CHST8: variants seen among roughly 807,000 people sequenced by gnomAD.
The protein encoded by CHST8 is GALNAC-4-ST1.
CHST8 carries 10 observed loss-of-function variants against 15.0 expected under a neutral mutation model. The observed-to-expected ratio is 0.67, with a 90% CI of 0.41 to 1.13. The LOEUF (loss-of-function observed/expected upper bound fraction) is 1.13, where lower values mean the gene tolerates loss of function less well. Ranked by LOEUF, CHST8 falls within the 50% of genes most tolerant of loss-of-function variation. CHST8 has a pLI of 0.00. For missense variants in CHST8, 634 were observed against 608.2 expected (o/e 1.04, Z -0.45); for synonymous variants, 259 against 256.6 (o/e 1.01, Z -0.09).
intron 1 of CHST8, among the ~76,000 whole-genome samples, chr19:33,623,082 T>C (rs1185817447): frequency 1.3e-5 from 2 of 152,086 alleles, no homozygotes; most frequent in African/African-American, 4.8e-5. Context: ...GTTTTGGCAG[T>C]GCCCGATGCT....
chr19:33,694,833 G>C (rs1316750879), intron 3 of CHST8, among the ~76,000 whole-genome samples: 1 of 152,130 alleles, frequency 6.6e-6, no homozygotes, highest in Non-Finnish European at 1.5e-5. Context: ...TACCTGCCTT[G>C]GCCTCCCAAA....
At chr19:33,670,425 T>A (rs1479409917) in intron 2 of CHST8, among the ~76,000 whole-genome samples, 2 of 152,226 alleles carry the variant, frequency 1.3e-5, no homozygotes, top group Non-Finnish European at 2.9e-5. Flanking sequence ...GTGCTTGGCA[T>A]ACTCAGCAGA....
intron 1 of CHST8, among the ~76,000 whole-genome samples, chr19:33,656,759 G>A (rs928099359): frequency 1.3e-5 from 2 of 152,034 alleles, no homozygotes; most frequent in Admixed American, 1.3e-4. Context: ...GGCTAGTCTC[G>A]AACTCCTGGG....
At chr19:33,758,932 C>T (rs36086416) in intron 3 of CHST8, among the ~76,000 whole-genome samples, 687 of 149,348 alleles carry the variant, frequency 4.6e-3, no homozygotes, top group Middle Eastern at 6.9e-3. Flanking sequence ...CGGGGGGGGG[C>T]GGTGCTCAAA....
chr19:33,629,806 C>T (rs989590422), intron 1 of CHST8, among the ~76,000 whole-genome samples: 4 of 152,252 alleles, frequency 2.6e-5, no homozygotes, highest in Admixed American at 2.0e-4. Flanking sequence ...GCACATTACT[C>T]CTTGGTCCCC....
chr19:33,629,226 G>T (rs968779192), intron 1 of CHST8, among the ~76,000 whole-genome samples: 5 of 152,348 alleles, frequency 3.3e-5, no homozygotes, highest in African/African-American at 1.2e-4. Context: ...TCCCTCCGGA[G>T]CTGAGTGCTG....
rs145881822 is a variant in CHST8, at chr19:33,686,473, G to A, written c.-86-2703G>A. Among the ~76,000 whole-genome samples the A allele has an allele frequency of 6.1e-4, 93 of 152,258 alleles. No homozygotes were observed. In the South Asian group the frequency reaches 0.01, roughly 17 times the overall value. On this transcript the variant is annotated intron_variant, in intron 2 of 4. Coordinates refer to ENST00000650847, the MANE Select transcript of CHST8 (RefSeq NM_001127895.2). ...GACAGACTGGGGAGAAGAGAGGACC[G>A]GCCAGCTCTCTTGTAACCACTCTGC...
In CHST8 at chr19:33,622,295, A is replaced by G. The variant is rs1004247851; in HGVS notation, c.-165A>G. The G allele has an allele frequency of 6.6e-6, 1 of 152,104 alleles. No homozygotes were observed. Among genetic ancestry groups the G allele is most frequent in the African/African-American group, 2.4e-5 (1 of 41,402 alleles). The allele number at this position is 152,104 out of a possible 1,614,324, so 9.4% of individuals were successfully genotyped here. A position where few individuals can be genotyped will look rare whatever the true frequency, so the allele number is the denominator to read the frequency against. On this transcript the variant is annotated splice_region_variant and 5_prime_UTR_variant, in exon 1 of 5. Coordinates refer to ENST00000650847, the MANE Select transcript of CHST8 (RefSeq NM_001127895.2). The stretch of plus-strand genomic sequence containing the variant: ...CGGCCTCGGGTGCGTCCGCTGCGCC[A>G]GGTAAGTGGCTGCGCCCCTGCCCCA...
At position 33,766,215 on chromosome 19, in the gene CHST8, C is replaced by A. The variant is rs577836405; in HGVS notation, c.131-5198C>A. 4.6e-5 allele frequency among the ~76,000 whole-genome samples: 7 copies of A among 152,134 alleles called. No individual in the cohort carries two copies. The East Asian group carries it at 1.4e-3, about 29-fold the overall frequency. The stretch of plus-strand genomic sequence containing the variant: ...CCTCTCTCCTTCTCCCCTCCTCCAC[C>A]TCTACCTCTCCCTTCCCTCTCTCTT... On this transcript the variant is annotated intron_variant, in intron 3 of 4. Coordinates refer to ENST00000650847, the MANE Select transcript of CHST8 (RefSeq NM_001127895.2).
chr19:33,695,821 C>CTTTT (rs55695414), intron 3 of CHST8, among the ~76,000 whole-genome samples: 3,489 of 75,818 alleles, frequency 0.046, 75 homozygotes, highest in Non-Finnish European at 0.065. Context: ...TTCTTTCTTT[C>CTTTT]TTTTTTTTTT....
At position 33,645,756 on chromosome 19, in the gene CHST8, A is replaced by G. The variant is rs59192758; in HGVS notation, c.-163-22011A>G. 1.9e-3 allele frequency among the ~76,000 whole-genome samples: 291 copies of G among 152,324 alleles called. 6 individuals are homozygous for G. In the East Asian group the frequency reaches 0.048, roughly 25 times the overall value. ...GAGAGGTTAGAGCTGGAGATGTTAT[A>G]CCCCAATGGGTTCTTCTTATTGGCT... On this transcript the variant is annotated intron_variant, in intron 1 of 4. Coordinates refer to ENST00000650847, the MANE Select transcript of CHST8 (RefSeq NM_001127895.2).
In CHST8 at chr19:33,771,408, T is replaced by C. The variant is rs369757128; in HGVS notation, c.131-5T>C. ...ATACTGTCCTCTCCTCTGTTTGCTTTTCAGGAATAAAGTTCAACATCAGGC... is the reference window on the plus strand; with the variant it reads ...ATACTGTCCTCTCCTCTGTTTGCTTCTCAGGAATAAAGTTCAACATCAGGC... On this transcript the variant is annotated splice_region_variant and splice_polypyrimidine_tract_variant and intron_variant, in intron 3 of 4. Coordinates refer to ENST00000650847, the MANE Select transcript of CHST8 (RefSeq NM_001127895.2). The C allele has an allele frequency of 1.2e-5, 20 of 1,613,970 alleles. No homozygotes were observed. Among genetic ancestry groups the C allele is most frequent in the Non-Finnish European group, 1.7e-5 (20 of 1,179,970 alleles).
intron 1 of CHST8, among the ~76,000 whole-genome samples, chr19:33,661,301 C>T (rs1972581752): frequency 6.6e-6 from 1 of 152,176 alleles, no homozygotes; most frequent in Non-Finnish European, 1.5e-5. Flanking sequence ...GACTTGGCAA[C>T]ACCTGCACCT....
rs73591065 is a variant in CHST8, at chr19:33,681,543, G to A, written c.-86-7633G>A. ...CCCAGTTCCCTGGTGAGGGACAGGC[G>A]GCAGGTGTGGGTGAGGGGTGCCCTT... On this transcript the variant is annotated intron_variant, in intron 2 of 4. Coordinates refer to ENST00000650847, the MANE Select transcript of CHST8 (RefSeq NM_001127895.2). Among the ~76,000 whole-genome samples, 1,228 of 152,312 alleles carry A rather than the reference G, an allele frequency of 8.1e-3. 14 individuals are homozygous for A. The highest frequency in any genetic ancestry group is 0.026 in the African/African-American group (1,070 of 41,578).
intron 3 of CHST8, among the ~76,000 whole-genome samples, chr19:33,710,523 A>C (rs1973528710): frequency 6.6e-6 from 1 of 152,148 alleles, no homozygotes; most frequent in African/African-American, 2.4e-5. Flanking sequence ...TACTGCTATA[A>C]ATTTTCCTCT....
chr19:33,693,749 T>C (rs962810018), intron 3 of CHST8, among the ~76,000 whole-genome samples: 27 of 151,988 alleles, frequency 1.8e-4, no homozygotes, highest in African/African-American at 6.0e-4. Context: ...CAGGTTTGGA[T>C]TGGTTTTTGT....
chr19:33,661,532 C>A (rs532982737), intron 1 of CHST8, among the ~76,000 whole-genome samples: 84 of 152,302 alleles, frequency 5.5e-4, no homozygotes, highest in Non-Finnish European at 9.0e-4. Flanking sequence ...GTCCATCGAG[C>A]CCTTTGCACG....
At chr19:33,719,426 T>G (rs1973735888) in intron 3 of CHST8, among the ~76,000 whole-genome samples, 1 of 152,072 alleles carries the variant, frequency 6.6e-6, no homozygotes, top group African/African-American at 2.4e-5. Flanking sequence ...CTAAGCTCAC[T>G]GAGGAATTGT....
intron 3 of CHST8, among the ~76,000 whole-genome samples, chr19:33,745,637 A>G (rs1273373392): frequency 2.6e-5 from 4 of 152,190 alleles, no homozygotes; most frequent in African/African-American, 9.6e-5. Flanking sequence ...CTGTAAGGGA[A>G]CGAAGGAAGC....
Sources: allele counts gnomAD v4.1 joint callset (sites outside exome capture counted in the v4.1 genomes callset), GRCh38; gene constraint gnomAD v4.1.1; transcripts MANE v1.5; gene names NCBI Gene and HGNC (gene_info 2026-07-23, HGNC 2026-07-21).